The following ZBTB20 variants were observed in gnomAD, a reference collection of about 807,000 sequenced individuals.
ZBTB20 encodes zinc finger and BTB domain-containing protein 20.
ZBTB20 carries 9 observed loss-of-function variants against 56.9 expected under a neutral mutation model. That is an observed-to-expected ratio of 0.16 (90% CI 0.10 to 0.28). The LOEUF is 0.28. ZBTB20 is among the 10% of genes least tolerant of loss of function. The pLI is 1.00. For synonymous variants in ZBTB20, 417 were observed against 420.7 expected, an observed-to-expected ratio of 0.99 and a Z score of 0.11; for missense variants, 655 against 1,003.0, an observed-to-expected ratio of 0.65 and a Z score of 4.69.
In ZBTB20 at chr3:114,480,820, A is replaced by AT. The variant is rs1010932124; in HGVS notation, c.-255+19531dup. On this transcript the variant is annotated intron_variant, in intron 7 of 11. Transcript: ENST00000675478. ...ATGGTAAGTCATCGGAAGGCTGGTC[A>AT]TTTTTTTTTTTTTAAACAGTTCAAT... 2.1e-3 allele frequency among the ~76,000 whole-genome samples: 303 copies of AT among 146,434 alleles called. 2 individuals are homozygous for AT. The highest frequency in any genetic ancestry group is 7.5e-3 in the Admixed American group (110 of 14,642).
chr3:114,440,295 C>T (rs921741791), intron 7 of ZBTB20, among the ~76,000 whole-genome samples: 29 of 152,152 alleles, frequency 1.9e-4, no homozygotes, highest in African/African-American at 6.3e-4. Flanking sequence ...GACAAATACA[C>T]TATTACACAG....
chr3:114,956,426 T>C (rs552342184), intron 3 of ZBTB20, among the ~76,000 whole-genome samples: 2 of 152,306 alleles, frequency 1.3e-5, no homozygotes, highest in South Asian at 2.1e-4. Context: ...AAGGTAGACA[T>C]CCTGGAAATA....
intron 6 of ZBTB20, among the ~76,000 whole-genome samples, chr3:114,607,682 T>A (rs1460977433): frequency 6.6e-6 from 1 of 152,196 alleles, no homozygotes; most frequent in African/African-American, 2.4e-5. Flanking sequence ...CCCTTGTCAA[T>A]AATTCTCCTG....
chr3:114,988,301 C>T (rs1424803322), intron 2 of ZBTB20, among the ~76,000 whole-genome samples: 1 of 142,778 alleles, frequency 7.0e-6, no homozygotes, highest in East Asian at 2.3e-4. Context: ...CTTCCGGTGT[C>T]CACGTGTTCT....
intron 3 of ZBTB20, among the ~76,000 whole-genome samples, chr3:114,922,845 C>T (rs1024417515): frequency 1.3e-5 from 2 of 152,110 alleles, no homozygotes; most frequent in African/African-American, 2.4e-5. Context: ...TCAAGAAGGA[C>T]ATCAAACCAC....
chr3:114,605,319 G>A (rs1399793438), intron 6 of ZBTB20, among the ~76,000 whole-genome samples: 1 of 152,060 alleles, frequency 6.6e-6, no homozygotes, highest in Non-Finnish European at 1.5e-5. Flanking sequence ...ACAAGAGCAG[G>A]GGTGAAAGCT....
rs964534851 is a variant in ZBTB20, at chr3:114,941,190, G to T, written c.-456+33176C>A. ...GCTAATCAGCACTAATAATGATGGG[G>T]ATAACAATAATAATCTGCTACCTTT... is the stretch of plus-strand genomic sequence containing the variant. On this transcript the variant is annotated intron_variant, in intron 3 of 11. Transcript: ENST00000675478. Among the ~76,000 whole-genome samples, 4 of 146,094 alleles carry T rather than the reference G, an allele frequency of 2.7e-5. 1 individual carries two copies. The highest frequency in any genetic ancestry group is 8.3e-5 in the African/African-American group (3 of 35,956).
chr3:114,790,125 G>A (rs1290194248), intron 5 of ZBTB20, among the ~76,000 whole-genome samples: 4 of 152,076 alleles, frequency 2.6e-5, no homozygotes. Context: ...CTTTTGTGCT[G>A]CAGAAGTTGC....
At chr3:115,117,768 TAA>T (rs1428973258) in intron 1 of ZBTB20, among the ~76,000 whole-genome samples, 2 of 152,256 alleles carry the variant, frequency 1.3e-5, no homozygotes, top group East Asian at 3.9e-4. Flanking sequence ...CTTATTTTTT[TAA>T]AAGATAAATA....
chr3:115,082,984 T>A (rs2082852083), intron 1 of ZBTB20, among the ~76,000 whole-genome samples: 1 of 152,028 alleles, frequency 6.6e-6, no homozygotes, highest in Non-Finnish European at 1.5e-5. Context: ...CAAATAAATA[T>A]TCCTGCTCAA....
intron 2 of ZBTB20, among the ~76,000 whole-genome samples, chr3:115,045,561 A>G (rs1302009279): frequency 6.6e-6 from 1 of 151,962 alleles, no homozygotes. Context: ...GCCTCCTTAA[A>G]GAAAAAAAAA....
intron 3 of ZBTB20, among the ~76,000 whole-genome samples, chr3:114,902,420 T>C (rs2107674368): frequency 6.6e-6 from 1 of 152,280 alleles, no homozygotes; most frequent in South Asian, 2.1e-4. Flanking sequence ...CACTAAAAAA[T>C]GTTTAGACAC....
Position 114,351,372 on chromosome 3 carries a change from G to T in ZBTB20, c.706C>A (p.Pro236Thr). The change falls in exon 11 of 12, where the codon CCA (proline) becomes ACA (threonine). Residue 236 changes from proline to threonine, a missense_variant. By Grantham distance (38) the Pro-to-Thr change is conservative. This residue lies in a region of ZBTB20 where 167 missense variants were observed against 281.9 expected (regional missense o/e 0.59). Coordinates refer to ENST00000675478, the MANE Select transcript of ZBTB20 (RefSeq NM_001348800.3). Reference sequence around the variant, plus strand: ...TAGATCCTGTCCACGCTGTGCTGTGGGTGGCTCTGCAGGTAGCCCGACTCC... The same window carrying T: ...TAGATCCTGTCCACGCTGTGCTGTGTGTGGCTCTGCAGGTAGCCCGACTCC... ...DTESGYLQSH[P>T]QHSVDRIYSA... is the part of the protein sequence containing the mutation. The T allele has an allele frequency of 6.2e-7, 1 of 1,611,446 alleles. No homozygotes were observed. The highest frequency in any genetic ancestry group is 8.5e-7 in the Non-Finnish European group (1 of 1,179,732).
intron 7 of ZBTB20, among the ~76,000 whole-genome samples, chr3:114,395,848 T>C (rs1313989032): frequency 6.6e-6 from 1 of 152,202 alleles, no homozygotes; most frequent in Non-Finnish European, 1.5e-5. Context: ...TAAATCTATG[T>C]TAATTTTCTC....
At chr3:114,873,705 A>G (rs1255610117) in intron 4 of ZBTB20, among the ~76,000 whole-genome samples, 4 of 152,178 alleles carry the variant, frequency 2.6e-5, no homozygotes, top group African/African-American at 9.7e-5. Context: ...CACAGAAGCA[A>G]TATTTCATTT....
rs1053028250 is a variant in ZBTB20, at chr3:114,329,737, A to G, written c.*9268T>C. The G allele has an allele frequency of 6.8e-5, 9 of 132,060 alleles. No individual in the cohort carries two copies. Among genetic ancestry groups the G allele is most frequent in the African/African-American group, 2.4e-4 (9 of 37,438 alleles). 8.2% of individuals were successfully genotyped at this position (132,060 alleles called of 1,614,324 possible). A position where few individuals can be genotyped will look rare whatever the true frequency, so the allele number is the denominator to read the frequency against. On this transcript the variant is annotated 3_prime_UTR_variant, in exon 12 of 12. Transcript: ENST00000675478. ...AAAAAAAAAAAAAAAAAAAAAAAAA[A>G]CAACTCCCAGGAAAATGAACACTAT...
chr3:114,728,928 G>A (rs2065510418), intron 5 of ZBTB20, among the ~76,000 whole-genome samples: 2 of 152,080 alleles, frequency 1.3e-5, no homozygotes, highest in South Asian at 4.2e-4. Context: ...GGGCAGTGTG[G>A]GGGCAGAGAG....
chr3:114,347,604 C>G (rs1274395949), intron 11 of ZBTB20, among the ~76,000 whole-genome samples: 1 of 152,178 alleles, frequency 6.6e-6, no homozygotes, highest in Non-Finnish European at 1.5e-5. Context: ...GAACCCAGGT[C>G]TTGAATTATT....
intron 3 of ZBTB20, among the ~76,000 whole-genome samples, chr3:114,916,955 T>C (rs1358776332): frequency 1.3e-5 from 2 of 152,152 alleles, no homozygotes; most frequent in Non-Finnish European, 2.9e-5. Context: ...AGTTCTCTAA[T>C]ACCGTCCTCA....
Sources: gnomAD v4.1 joint callset for allele counts (sites outside exome capture counted in the v4.1 genomes callset) on GRCh38, gnomAD v4.1.1 for gene constraint, gnomAD v4.1.1 regional missense constraint, MANE v1.5 for transcripts, NCBI Gene and HGNC (gene_info 2026-07-23, HGNC 2026-07-21) for gene names.